ITIH4: variants seen among roughly 807,000 people sequenced by gnomAD.
ITIH4 encodes inter-alpha-trypsin inhibitor heavy chain 4, also known as inter-alpha-trypsin inhibitor heavy chain H4.
In ITIH4, 79 loss-of-function variants were observed where a neutral mutation model predicts 111.8. The ratio of observed to expected loss-of-function variants is 0.71; its 90% confidence interval spans 0.59 to 0.85. The LOEUF (loss-of-function observed/expected upper bound fraction) is 0.85. Ranked by LOEUF, ITIH4 falls within the 40% of genes least tolerant of loss-of-function variation. The probability of loss-of-function intolerance (pLI) is 0.00; values close to 1 mark genes in which losing one functional copy is unlikely to be tolerated. For missense variants in ITIH4, 1,065 were observed against 1,195.8 expected (o/e 0.89, Z 1.61); for synonymous variants, 472 against 468.3 (o/e 1.01, Z -0.10).
In ITIH4 at chr3:52,813,435, A is replaced by T. The variant is rs764996549; in HGVS notation, c.2779T>A (p.Ser927Thr). ...GPPGVEISCW[S>T]VEL ...TTCCATCAGAACTACAGCTCCACAG[A>T]CCAGCAGGAAATCTCCACTCCCGGG... Residue 927 changes from serine (S) to threonine (T), a missense_variant, in exon 24 of 24, where the codon TCT (serine) becomes ACT (threonine). Ser to Thr is a moderately conservative substitution (Grantham distance 58). Coordinates refer to ENST00000266041, the MANE Select transcript of ITIH4 (RefSeq NM_002218.5). 3.7e-6 allele frequency: 6 copies of T among 1,614,042 alleles called. No homozygotes were observed. The highest frequency in any genetic ancestry group is 3.3e-5 in the South Asian group (3 of 91,072).
At chr3:52,820,383 G>T in intron 13 of ITIH4, 66 bp from the exon 14 acceptor site, 1 of 1,547,484 alleles carries the variant, frequency 6.5e-7, no homozygotes, top group Non-Finnish European at 8.9e-7. Context: ...CGTCAGGGTG[G>T]TTTTCATCAA....
chr3:52,813,500 A>G lies in ITIH4; in HGVS notation c.2724-10T>C. The G allele has an allele frequency of 6.2e-7, 1 of 1,613,328 alleles. No individual in the cohort carries two copies. Among genetic ancestry groups the G allele is most frequent in the East Asian group, 2.2e-5 (1 of 44,876 alleles). ...ATCCAGCCTGCGCTCTCTGAAATGG[A>G]AAGACAGACAGATAGGCAGGTGGTC... On this transcript the variant is annotated splice_polypyrimidine_tract_variant and intron_variant, in intron 23 of 23. Transcript: ENST00000266041.
Position 52,824,448 on chromosome 3 carries a change from C to T in ITIH4, c.994G>A (p.Glu332Lys), listed in dbSNP as rs772851128. Residue 332 changes from glutamate to lysine, a missense_variant, in exon 8 of 24, where the codon GAG (glutamate) becomes AAG (lysine). By Grantham distance (56) the Glu-to-Lys change is moderately conservative. Transcript: ENST00000266041. This position sits in a 1 kb window ranked among gnomAD's most constrained non-coding sequence, Gnocchi z 4.3. ...AAGCTCCTGGCCTTGTTCACGTTCTCGGCTGAGGCTGGCACCAGTGATGGC... is the reference window on the plus strand; with the variant it reads ...AAGCTCCTGGCCTTGTTCACGTTCTTGGCTGAGGCTGGCACCAGTGATGGC... ...WRPSLVPASA[E>K]NVNKARSFAA... The T allele has an allele frequency of 7.0e-5, 113 of 1,614,080 alleles. No individual in the cohort carries two copies. Among genetic ancestry groups the T allele is most frequent in the Non-Finnish European group, 8.5e-5 (100 of 1,180,032 alleles).
rs1298642509 is a variant in ITIH4, at chr3:52,814,007, C to T, written c.2691G>A (p.Leu897=). 1.2e-6 allele frequency: 2 copies of T among 1,613,580 alleles called. No individual in the cohort carries two copies. Among genetic ancestry groups the T allele is most frequent in the South Asian group, 2.2e-5 (2 of 91,028 alleles). The change falls in exon 23 of 24, where the codon CTG becomes CTA. Residue 897 remains leucine (L), a synonymous_variant. Coordinates refer to ENST00000266041, the MANE Select transcript of ITIH4 (RefSeq NM_002218.5). The part of the protein sequence containing the change: ...PAASDDGRRT[L]RVQGNDHSAT... ...CAGAGTGGTCATTGCCCTGAACCCT[C>T]AGCGTGCGTCTGCCGTCATCTGATG... is the stretch of plus-strand genomic sequence containing the variant.
intron 2 of ITIH4, among the ~76,000 whole-genome samples, chr3:52,828,810 G>A (rs992964703): frequency 6.6e-6 from 1 of 152,156 alleles, no homozygotes; most frequent in Non-Finnish European, 1.5e-5. Context: ...CTCTTGCCTG[G>A]TCTGGCCTCA....
chr3:52,815,282 C>T (rs1700262652), intron 21 of ITIH4, among the ~76,000 whole-genome samples: 1 of 145,892 alleles, frequency 6.9e-6, no homozygotes, highest in African/African-American at 2.5e-5. Flanking sequence ...CTCGCTCTGT[C>T]GCCCAGGCTG....
rs1700440239 is a variant in ITIH4, at chr3:52,823,992, G to A, written c.1184C>T (p.Pro395Leu). 2.5e-6 allele frequency: 4 copies of A among 1,569,600 alleles called. No homozygotes were observed. The highest frequency in any genetic ancestry group is 3.5e-6 in the Non-Finnish European group (4 of 1,159,072). ...CCGCACGTTATTCTGGATGCTCCTG[G>A]GGTTAGTCTCCCCTGGACCCAGGGG... is the stretch of plus-strand genomic sequence containing the variant. ...DGDPTVGETNPRSIQNNVREA... is the reference protein window; with the variant it reads ...DGDPTVGETNLRSIQNNVREA... Residue 395 changes from proline to leucine, a missense_variant, in exon 10 of 24, where the codon CCC becomes CTC. Pro to Leu is a moderately conservative substitution (Grantham distance 98). Coordinates refer to ENST00000266041, the MANE Select transcript of ITIH4 (RefSeq NM_002218.5).
chr3:52,817,160 G>T, intron 20 of ITIH4, 102 bp from the exon 21 acceptor site: 1 of 942,992 alleles, frequency 1.1e-6, no homozygotes, highest in Non-Finnish European at 1.6e-6. Context: ...GAGTTCTGCA[G>T]CAGCTCCCTC....
chr3:52,815,128 G>A (rs1165298076), intron 21 of ITIH4, among the ~76,000 whole-genome samples: 2 of 152,084 alleles, frequency 1.3e-5, no homozygotes, highest in African/African-American at 4.8e-5. Context: ...AGGTTCCTTT[G>A]AGCATGTTGA....
Position 52,824,745 on chromosome 3 carries a change from C to T in ITIH4, c.876+97G>A, listed in dbSNP as rs1356497102. 2.3e-5 allele frequency: 30 copies of T among 1,278,082 alleles called. No individual in the cohort carries two copies. The East Asian group carries it at 4.2e-4, about 18-fold the overall frequency. 79.2% of individuals were successfully genotyped at this position (1,278,082 alleles called of 1,614,324 possible). ...CTGAGAGCCACCCGCCCCATGGTGC[C>T]GAAAGGTGAAGCAAGGGGGTCTGCC... On this transcript the variant is annotated intron_variant, in intron 7 of 23. Coordinates refer to ENST00000266041, the MANE Select transcript of ITIH4 (RefSeq NM_002218.5). The surrounding 1 kb of genome is among the most constrained non-coding windows in gnomAD (Gnocchi z 4.3).
chr3:52,829,046 T>G, intron 2 of ITIH4, 73 bp downstream of exon 2: 2 of 1,356,970 alleles, frequency 1.5e-6, no homozygotes, highest in Non-Finnish European at 2.0e-6. Flanking sequence ...AAGAAGAGGG[T>G]TTGCTGGCAC....
intron 2 of ITIH4, 105 bp from the exon 3 acceptor site, chr3:52,827,302 A>G: frequency 1.1e-6 from 1 of 875,332 alleles, no homozygotes; most frequent in Admixed American, 1.8e-5. Context: ...CTCTTGACAC[A>G]GTGACTCCCA....
chr3:52,823,279 G>T (rs1031847159), intron 11 of ITIH4: 1 of 403,462 alleles, frequency 2.5e-6, no homozygotes, highest in African/African-American at 2.0e-5. Context: ...AACCTGAGAG[G>T]GTTGTGGTAC....
At chr3:52,829,479 G>A (rs942425598) in intron 1 of ITIH4, among the ~76,000 whole-genome samples, 200 bp from the exon 2 acceptor site, 1 of 152,172 alleles carries the variant, frequency 6.6e-6, no homozygotes, top group African/African-American at 2.4e-5. Flanking sequence ...AGATAGCAGT[G>A]TGCTTCATTC....
intron 6 of ITIH4, chr3:52,825,431 GAAA>G (rs57121229): frequency 2.2e-5 from 3 of 138,290 alleles, no homozygotes; most frequent in South Asian, 2.4e-4. Flanking sequence ...GTCTCTACTG[GAAA>G]AAAAAAAAAA....
intron 2 of ITIH4, among the ~76,000 whole-genome samples, chr3:52,827,658 G>A (rs2154111700): frequency 6.6e-6 from 1 of 152,352 alleles, no homozygotes; most frequent in East Asian, 1.9e-4. Context: ...GACTGAGGAG[G>A]AAGCAGACGT....
intron 1 of ITIH4, 88 bp from the exon 2 acceptor site, chr3:52,829,367 G>C: frequency 1.4e-6 from 2 of 1,407,482 alleles, no homozygotes; most frequent in Admixed American, 3.8e-5. Flanking sequence ...CCTGACTCTG[G>C]CTCTAGACCA....
chr3:52,816,998 G>A lies in ITIH4; in HGVS notation c.2357C>T (p.Thr786Ile), dbSNP rs1295778874. The part of the protein sequence containing the change: ...EKAGFSWIEV[T>I]FKNPLVWVHA... ...AACCCATACCAGGGGGTTCTTGAAG[G>A]TCACTTCGATCCATGAGAACCCAGC... Residue 786 changes from threonine (T) to isoleucine (I), a missense_variant, in exon 21 of 24, where the codon ACC (threonine) becomes ATC (isoleucine). Physicochemically the swap from Thr to Ile is moderately conservative, Grantham distance 89. Coordinates refer to ENST00000266041, the MANE Select transcript of ITIH4 (RefSeq NM_002218.5). 1 of 1,613,944 alleles carries A rather than the reference G, an allele frequency of 6.2e-7. No individual in the cohort carries two copies. Among genetic ancestry groups the A allele is most frequent in the Non-Finnish European group, 8.5e-7 (1 of 1,179,938 alleles).
intron 11 of ITIH4, among the ~76,000 whole-genome samples, chr3:52,821,372 G>A (rs1361516082): frequency 6.6e-6 from 1 of 152,154 alleles, no homozygotes; most frequent in Non-Finnish European, 1.5e-5. Flanking sequence ...CAATAAGGCA[G>A]GCACAGCGCC....
Sources: gnomAD v4.1 joint callset for allele counts (sites outside exome capture counted in the v4.1 genomes callset) on GRCh38, gnomAD v4.1.1 for gene constraint, Gnocchi (gnomAD v3.1) non-coding constraint, MANE v1.5 for transcripts, NCBI Gene and HGNC (gene_info 2026-07-23, HGNC 2026-07-21) for gene names.